Variants in HDLBP observed in about 807,000 individuals in gnomAD.
HDLBP encodes high density lipoprotein binding protein, also known as vigilin.
HDLBP carries 30 observed loss-of-function variants against 137.3 expected under a neutral mutation model. That is an observed-to-expected ratio of 0.22 (90% CI 0.16 to 0.30). The LOEUF (loss-of-function observed/expected upper bound fraction) is 0.30. Among genes scored for constraint, HDLBP ranks in the 10% least tolerant of loss-of-function variants. The probability of loss-of-function intolerance (pLI) is 1.00; values close to 1 mark genes in which losing one functional copy is unlikely to be tolerated. For missense variants in HDLBP, 1,119 were observed against 1,667.3 expected (o/e 0.67, Z 5.73); for synonymous variants, 606 against 596.0 (o/e 1.02, Z -0.24).
In HDLBP at chr2:241,272,845, C is replaced by A; in HGVS notation, c.-102-4304G>T. The A allele has an allele frequency of 3.4e-6, 1 of 291,356 alleles. No individual in the cohort carries two copies. Among genetic ancestry groups the A allele is most frequent in the South Asian group, 1.3e-4 (1 of 7,576 alleles). 18.0% of individuals were successfully genotyped at this position (291,356 alleles called of 1,614,324 possible). A position where few individuals can be genotyped will look rare whatever the true frequency, so the allele number is the denominator to read the frequency against. On this transcript the variant is annotated intron_variant, in intron 1 of 27. Coordinates refer to ENST00000310931, the MANE Select transcript of HDLBP (RefSeq NM_005336.6). This position sits in a 1 kb window ranked among gnomAD's most constrained non-coding sequence, Gnocchi z 5.6. ...CCGGGACGCTCCGAGGCGCGGCGCCCGGGCCCCGGCTGCTATATAGGGCGG... is the reference window on the plus strand; with the variant it reads ...CCGGGACGCTCCGAGGCGCGGCGCCAGGGCCCCGGCTGCTATATAGGGCGG...
intron 1 of HDLBP, among the ~76,000 whole-genome samples, chr2:241,278,250 A>T (rs998315122): frequency 6.6e-6 from 1 of 152,226 alleles, no homozygotes; most frequent in Non-Finnish European, 1.5e-5. Flanking sequence ...TACTCGCCAC[A>T]TTAACAGCAT....
chr2:241,299,355 A>G (rs962892106), intron 1 of HDLBP, among the ~76,000 whole-genome samples: 2 of 151,286 alleles, frequency 1.3e-5, no homozygotes, highest in East Asian at 2.0e-4. Flanking sequence ...CGTCTCTACT[A>G]AAAATACAAA....
chr2:241,264,721 G>C, intron 3 of HDLBP, 116 bp from the exon 4 acceptor site: 1 of 999,044 alleles, frequency 1.0e-6, no homozygotes, highest in Non-Finnish European at 1.5e-6. Context: ...ATGCTCCAAG[G>C]ACAACTCCCC....
chr2:241,281,698 A>C (rs555478612), intron 1 of HDLBP, among the ~76,000 whole-genome samples: 1 of 152,350 alleles, frequency 6.6e-6, no homozygotes, highest in Non-Finnish European at 1.5e-5. Context: ...TAAAATATAC[A>C]TCAGATTTTG....
At chr2:241,266,083 C>T (rs1399087567) in intron 3 of HDLBP, among the ~76,000 whole-genome samples, 1 of 152,170 alleles carries the variant, frequency 6.6e-6, no homozygotes, top group Non-Finnish European at 1.5e-5. Context: ...TCTGCTCTTT[C>T]AAATGAAGAT....
chr2:241,297,898 A>G (rs907168196), intron 1 of HDLBP, among the ~76,000 whole-genome samples: 15 of 151,962 alleles, frequency 9.9e-5, no homozygotes, highest in Admixed American at 4.6e-4. Context: ...AAATAAAAAA[A>G]TTAGCCGGGC....
intron 23 of HDLBP, among the ~76,000 whole-genome samples, chr2:241,234,311 C>G (rs2070141260): frequency 6.6e-6 from 1 of 152,186 alleles, no homozygotes; most frequent in Non-Finnish European, 1.5e-5. Context: ...GATGGATACG[C>G]ACAGAAATGC....
Position 241,233,781 on chromosome 2 carries a change from G to C in HDLBP, c.3288+39C>G, listed in dbSNP as rs1394885572. 20 of 1,612,016 alleles carry C rather than the reference G, an allele frequency of 1.2e-5. No homozygotes were observed. Among genetic ancestry groups the C allele is most frequent in the Non-Finnish European group, 1.5e-5 (18 of 1,179,120 alleles). On this transcript the variant is annotated intron_variant, in intron 24 of 27. Transcript: ENST00000310931. The surrounding 1 kb of genome is among the most constrained non-coding windows in gnomAD (Gnocchi z 4.3). ...CCCAAGTCACAGGAAAGGTCAACAAGCACCTCTGCCCCCGACACGCTCCAA... is the reference window on the plus strand; with the variant it reads ...CCCAAGTCACAGGAAAGGTCAACAACCACCTCTGCCCCCGACACGCTCCAA...
chr2:241,232,419 G>C (rs569175925), intron 24 of HDLBP, among the ~76,000 whole-genome samples: 1 of 152,110 alleles, frequency 6.6e-6, no homozygotes, highest in East Asian at 1.9e-4. Context: ...GGGATTACAG[G>C]TGCACGCGAC....
At position 241,256,412 on chromosome 2, in the gene HDLBP, G is replaced by T. The variant is rs375074448; in HGVS notation, c.658-13C>A. 2.5e-6 allele frequency: 4 copies of T among 1,594,876 alleles called. No homozygotes were observed. The highest frequency in any genetic ancestry group is 2.3e-5 in the South Asian group (2 of 87,460). On this transcript the variant is annotated splice_polypyrimidine_tract_variant and intron_variant, in intron 6 of 27. Transcript: ENST00000310931. ...CAGCACGTTTGTCCTGGAAAGGAAGGGATGATCTGATGAGAACAGGCCTTT... is the reference window on the plus strand; with the variant it reads ...CAGCACGTTTGTCCTGGAAAGGAAGTGATGATCTGATGAGAACAGGCCTTT...
At chr2:241,252,624 G>A (rs2072284438) in intron 11 of HDLBP, among the ~76,000 whole-genome samples, 3 of 152,218 alleles carry the variant, frequency 2.0e-5, no homozygotes, top group Non-Finnish European at 2.9e-5. Context: ...AACACTGATT[G>A]GCTAACCTAG....
chr2:241,234,160 G>T (rs1031003487), intron 23 of HDLBP, among the ~76,000 whole-genome samples, 197 bp from the exon 24 acceptor site: 1 of 152,198 alleles, frequency 6.6e-6, no homozygotes, highest in Non-Finnish European at 1.5e-5. Context: ...CAGGGAACTT[G>T]GCTGCTCCAC....
intron 5 of HDLBP, among the ~76,000 whole-genome samples, chr2:241,258,283 C>T (rs1204944409): frequency 7.3e-6 from 1 of 137,346 alleles, no homozygotes; most frequent in Non-Finnish European, 1.5e-5. Flanking sequence ...GGAGGCGGAG[C>T]TTGCAGTGAG....
At chr2:241,270,861 C>T (rs942147045) in intron 1 of HDLBP, 2 of 609,540 alleles carry the variant, frequency 3.3e-6, no homozygotes, top group Non-Finnish European at 2.1e-6. Flanking sequence ...GCCTAGATAC[C>T]CAAGAACAGA....
At chr2:241,264,279 G>A (rs568403172) in intron 4 of HDLBP, among the ~76,000 whole-genome samples, 169 bp downstream of exon 4, 85 of 150,828 alleles carry the variant, frequency 5.6e-4, no homozygotes, top group Non-Finnish European at 1.1e-3. Context: ...GGAGAATGGC[G>A]TGAACCCGGG....
At position 241,233,756 on chromosome 2, in the gene HDLBP, C is replaced by T. The variant is rs778450261; in HGVS notation, c.3288+64G>A. ...CATCTAGGCACATCTGGTTACTGCT[C>T]CCAAGTCACAGGAAAGGTCAACAAG... On this transcript the variant is annotated intron_variant, in intron 24 of 27. Transcript: ENST00000310931. This position sits in a 1 kb window ranked among gnomAD's most constrained non-coding sequence, Gnocchi z 4.3. 3 of 1,599,246 alleles carry T rather than the reference C, an allele frequency of 1.9e-6. No individual in the cohort carries two copies. The Admixed American group carries it at 5.0e-5, about 27-fold the overall frequency.
chr2:241,253,262 TACTC>T, intron 10 of HDLBP, 127 bp downstream of exon 10: 1 of 757,716 alleles, frequency 1.3e-6, no homozygotes. Flanking sequence ...CAGAACCTAT[TACTC>T]ACCCAGCTAG....
At chr2:241,298,290 C>T (rs569554581) in intron 1 of HDLBP, among the ~76,000 whole-genome samples, 15 of 151,928 alleles carry the variant, frequency 9.9e-5, no homozygotes, top group Admixed American at 4.6e-4. Context: ...CGCTTGAACC[C>T]GGGAGGTGGA....
At chr2:241,280,217 C>T in intron 1 of HDLBP, 1 of 640,046 alleles carries the variant, frequency 1.6e-6, no homozygotes, top group Non-Finnish European at 1.9e-6. Flanking sequence ...TTATATGTGG[C>T]TCATATTACA....
Sources: gnomAD v4.1 joint callset for allele counts (sites outside exome capture counted in the v4.1 genomes callset) on GRCh38, gnomAD v4.1.1 for gene constraint, Gnocchi (gnomAD v3.1) non-coding constraint, MANE v1.5 for transcripts, NCBI Gene and HGNC (gene_info 2026-07-23, HGNC 2026-07-21) for gene names.